The following NHEJ1 variants were observed in gnomAD, a reference collection of about 807,000 sequenced individuals.
NHEJ1 encodes the protein non-homologous end-joining factor 1.
A neutral mutation model predicts 39.4 loss-of-function variants in NHEJ1; 22 were observed. That is an observed-to-expected ratio of 0.56 (90% CI 0.40 to 0.80). The LOEUF is 0.80. NHEJ1 is among the 30% of genes least tolerant of loss of function. NHEJ1 has a pLI of 0.00. For missense variants in NHEJ1, 329 were observed against 357.1 expected, an observed-to-expected ratio of 0.92 and a Z score of 0.63; for synonymous variants, 154 against 135.6, an observed-to-expected ratio of 1.14 and a Z score of -0.94.
chr2:219,137,357 A>G lies in NHEJ1; in HGVS notation c.588+9323T>C, dbSNP rs372939521. Among the ~76,000 whole-genome samples, 4 of 152,082 alleles carry G rather than the reference A, an allele frequency of 2.6e-5. No homozygotes were observed. In the East Asian group the frequency reaches 5.8e-4, roughly 22 times the overall value. ...ATTCTTCAAATCACATAAGCATATG[A>G]CCAAGAGCCTAATATTCCTAAAGAT... On this transcript the variant is annotated intron_variant, in intron 5 of 7. Transcript: ENST00000356853.
In NHEJ1 at chr2:219,071,939, T is replaced by C. The variant is rs574849361; in HGVS notation, c.*4442A>G. Among the ~76,000 whole-genome samples, 6 of 152,276 alleles carry C rather than the reference T, an allele frequency of 3.9e-5. No homozygotes were observed. The highest frequency in any genetic ancestry group is 1.4e-4 in the African/African-American group (6 of 41,544). On this transcript the variant is annotated 3_prime_UTR_variant, in exon 8 of 8. Coordinates refer to ENST00000356853, the MANE Select transcript of NHEJ1 (RefSeq NM_024782.3). ...AGCCTTTGCTAGAATACTTGGGTGC[T>C]ACCTAATGACTTCCTATGTGCTAGG... is the stretch of plus-strand genomic sequence containing the variant.
intron 5 of NHEJ1, among the ~76,000 whole-genome samples, chr2:219,104,395 G>A (rs1390346501): frequency 1.3e-5 from 2 of 152,222 alleles, no homozygotes; most frequent in Non-Finnish European, 2.9e-5. Flanking sequence ...GGTAGTTGCT[G>A]CAGTGAGATC....
rs428621 is a variant in NHEJ1 at position 219,076,435 on chromosome 2, C to A, written c.846G>T (p.Gln282His). ...TCTTGACCTTTGACAGCTGAGGTCT[C>A]TGCAGAGGGCCTGAAGTACCCTAGA... is the stretch of plus-strand genomic sequence containing the variant. The part of the protein sequence containing the change: ...KESTGTSGPL[Q>H]RPQLSKVKRK... The change falls in exon 8 of 8, where the codon CAG becomes CAT. Residue 282 changes from glutamine (Q) to histidine (H), a missense_variant. Transcript: ENST00000356853. The A allele has an allele frequency of 6.8e-6, 11 of 1,613,964 alleles. No homozygotes were observed. The South Asian group carries it at 1.2e-4, about 18-fold the overall frequency.
intron 5 of NHEJ1, among the ~76,000 whole-genome samples, chr2:219,088,083 A>G (rs1336762143): frequency 6.6e-6 from 1 of 152,236 alleles, no homozygotes; most frequent in Non-Finnish European, 1.5e-5. Context: ...TCAAGTGTTG[A>G]CAAAGACACA....
intron 5 of NHEJ1, among the ~76,000 whole-genome samples, chr2:219,144,986 G>A (rs1198348014): frequency 1.3e-5 from 2 of 152,150 alleles, no homozygotes; most frequent in Admixed American, 1.3e-4. Context: ...AGGTCAAGGA[G>A]GGTGGATCAC....
At chr2:219,092,816 A>T in intron 5 of NHEJ1, among the ~76,000 whole-genome samples, 1 of 152,164 alleles carries the variant, frequency 6.6e-6, no homozygotes, top group Non-Finnish European at 1.5e-5. Flanking sequence ...AGGAGTAGAA[A>T]CAAATTGGCT....
rs745852983 is a variant in NHEJ1 at position 219,159,528 on chromosome 2, T to TATATATATAATGC, written c.1-1167_1-1166insGCATTATATATAT. On this transcript the variant is annotated intron_variant, in intron 1 of 7. Coordinates refer to ENST00000356853, the MANE Select transcript of NHEJ1 (RefSeq NM_024782.3). ...TGACATAACTTTATATATATATGCA[T>TATATATATAATGC]ATATATATGCATATATATATATGCA... Among the ~76,000 whole-genome samples the TATATATATAATGC allele has an allele frequency of 2.2e-5, 2 of 92,236 alleles. 1 individual carries two copies. Among genetic ancestry groups the TATATATATAATGC allele is most frequent in the South Asian group, 6.5e-4 (2 of 3,076 alleles). 60.5% of individuals were successfully genotyped at this position (92,236 alleles called of 152,430 possible).
At chr2:219,159,545 A>G (rs1949897759) in intron 1 of NHEJ1, among the ~76,000 whole-genome samples, 1 of 17,506 alleles carries the variant, frequency 5.7e-5, no homozygotes, top group Non-Finnish European at 3.0e-4. Flanking sequence ...ATGCATATAT[A>G]TATATGCATA....
At chr2:219,106,309 G>T (rs1260646956) in intron 5 of NHEJ1, among the ~76,000 whole-genome samples, 2 of 152,130 alleles carry the variant, frequency 1.3e-5, no homozygotes, top group Non-Finnish European at 2.9e-5. Context: ...GACTTGGGGT[G>T]GGGGAGGAAA....
rs1259196699 is a variant in NHEJ1, at chr2:219,157,703, TAC to T, written c.178-21_178-20del. 15 of 1,604,190 alleles carry T rather than the reference TAC, an allele frequency of 9.4e-6. No homozygotes were observed. Among genetic ancestry groups the T allele is most frequent in the Non-Finnish European group, 1.3e-5 (15 of 1,173,268 alleles). On this transcript the variant is annotated intron_variant, in intron 2 of 7. Transcript: ENST00000356853. The stretch of plus-strand genomic sequence containing the variant: ...TCAGCTCCTAAAGAGAGAGCAGTGG[TAC>T]AGAGTAAGGGTGCTAAAAGGAAACT...
At chr2:219,146,819 G>A in intron 4 of NHEJ1, 81 bp from the exon 5 acceptor site, 1 of 1,078,158 alleles carries the variant, frequency 9.3e-7, no homozygotes, top group Non-Finnish European at 1.4e-6. Context: ...AACAGAACAG[G>A]GCTACTTAGG....
intron 5 of NHEJ1, among the ~76,000 whole-genome samples, chr2:219,113,506 C>A (rs1053886520): frequency 6.6e-5 from 10 of 152,116 alleles, no homozygotes; most frequent in South Asian, 2.1e-4. Flanking sequence ...AAAATGTAAT[C>A]ATTATTTATC....
intron 5 of NHEJ1, among the ~76,000 whole-genome samples, chr2:219,135,118 A>G (rs1266200495): frequency 6.6e-6 from 1 of 152,014 alleles, no homozygotes; most frequent in African/African-American, 2.4e-5. Context: ...TCTAATTATA[A>G]ATAAGCCACT....
At position 219,147,667 on chromosome 2, in the gene NHEJ1, C is replaced by A. The variant is rs1341823067; in HGVS notation, c.519G>T (p.Thr173=). The A allele has an allele frequency of 6.2e-7, 1 of 1,614,190 alleles. No individual in the cohort carries two copies. Among genetic ancestry groups the A allele is most frequent in the East Asian group, 2.2e-5 (1 of 44,886 alleles). ...EIQDYQESGA[T]LIRDRLKTEP... ...AGAATGTCCTCTTACCTCGAATCAGCGTAGCCCCACTCTCCTGGTAGTCTT... is the reference window on the plus strand; with the variant it reads ...AGAATGTCCTCTTACCTCGAATCAGAGTAGCCCCACTCTCCTGGTAGTCTT... Residue 173 remains threonine, a synonymous_variant, in exon 4 of 8, where the codon ACG becomes ACT. Transcript: ENST00000356853.
At chr2:219,101,181 C>T (rs1321644659) in intron 5 of NHEJ1, among the ~76,000 whole-genome samples, 1 of 152,160 alleles carries the variant, frequency 6.6e-6, no homozygotes, top group African/African-American at 2.4e-5. Flanking sequence ...GTGGTACCAT[C>T]TTGGCTCACT....
Position 219,147,745 on chromosome 2 carries a change from C to T in NHEJ1, c.441G>A (p.Gln147=), listed in dbSNP as rs202229437. ...RPLMGMSLAL[Q]CQVRELATLL... Reference sequence around the variant, plus strand: ...ACGTTGCTAGCTCCCTCACTTGGCACTGTAATGCCAGACTCATGCCCATCA... The same window carrying T: ...ACGTTGCTAGCTCCCTCACTTGGCATTGTAATGCCAGACTCATGCCCATCA... Residue 147 remains glutamine, a synonymous_variant, in exon 4 of 8, where the codon CAG becomes CAA. Transcript: ENST00000356853. 5.1e-5 allele frequency: 83 copies of T among 1,614,034 alleles called. No individual in the cohort carries two copies. The East Asian group carries it at 1.8e-3, about 35-fold the overall frequency.
chr2:219,090,772 T>C (rs1296761539), intron 5 of NHEJ1, among the ~76,000 whole-genome samples: 1 of 152,192 alleles, frequency 6.6e-6, no homozygotes, highest in Non-Finnish European at 1.5e-5. Flanking sequence ...TAGATAGGCA[T>C]AAAGACTTTC....
intron 5 of NHEJ1, among the ~76,000 whole-genome samples, chr2:219,101,404 C>T (rs1272148970): frequency 2.6e-5 from 4 of 152,002 alleles, no homozygotes; most frequent in Non-Finnish European, 4.4e-5. Flanking sequence ...GGTGAGCCAC[C>T]GCGCCCGGCC....
rs566207677 is a variant in NHEJ1, at chr2:219,099,036, T to C, written c.589-20830A>G. Reference sequence around the variant, plus strand: ...ACAATGAAAAGGAAGGTAAGGTCAATGGGCTGGAGCTCTCTGTAGGATTAA... The same window carrying C: ...ACAATGAAAAGGAAGGTAAGGTCAACGGGCTGGAGCTCTCTGTAGGATTAA... On this transcript the variant is annotated intron_variant, in intron 5 of 7. Transcript: ENST00000356853. Among the ~76,000 whole-genome samples the C allele has an allele frequency of 2.6e-5, 4 of 152,194 alleles. No homozygotes were observed. In the East Asian group the frequency reaches 7.7e-4, roughly 29 times the overall value.
Sources: allele counts gnomAD v4.1 joint callset (sites outside exome capture counted in the v4.1 genomes callset), GRCh38; gene constraint gnomAD v4.1.1; transcripts MANE v1.5; gene names NCBI Gene and HGNC (gene_info 2026-07-23, HGNC 2026-07-21).